IDO2: variants seen among roughly 807,000 people sequenced by gnomAD.
IDO2 encodes indoleamine 2,3-dioxygenase 2.
A neutral mutation model predicts 45.1 loss-of-function variants in IDO2; 46 were observed. That is an observed-to-expected ratio of 1.02 (90% CI 0.80 to 1.30). The LOEUF (loss-of-function observed/expected upper bound fraction) is 1.30, where lower values mean the gene tolerates loss of function less well. Among genes scored for constraint, IDO2 ranks in the 50% most tolerant of loss-of-function variants. IDO2 has a pLI of 0.00. For missense variants in IDO2, 544 were observed against 491.8 expected (o/e 1.11, Z -1.00); for synonymous variants, 218 against 184.9 (o/e 1.18, Z -1.45).
intron 5 of IDO2, among the ~76,000 whole-genome samples, chr8:39,983,727 A>G (rs527383491): frequency 2.0e-5 from 3 of 152,160 alleles, no homozygotes; most frequent in South Asian, 4.1e-4. Context: ...TTAGCCGGGC[A>G]TGGTGGCACA....
intron 6 of IDO2, chr8:39,986,909 C>G (rs995956170): frequency 7.4e-6 from 1 of 134,806 alleles, no homozygotes; most frequent in Non-Finnish European, 1.6e-5. Context: ...GAGTCTCACT[C>G]TATCTCCCAG....
chr8:39,938,392 T>C (rs1039388132), intron 1 of IDO2, among the ~76,000 whole-genome samples: 3 of 152,176 alleles, frequency 2.0e-5, no homozygotes, highest in Non-Finnish European at 4.4e-5. Flanking sequence ...TTATAAAATA[T>C]AGCATCACTT....
chr8:39,963,852 A>C (rs1475963498), intron 3 of IDO2, 149 bp downstream of exon 3: 8 of 557,274 alleles, frequency 1.4e-5, no homozygotes, highest in Non-Finnish European at 2.5e-5. Flanking sequence ...TTCCTGAAAA[A>C]CAGAATGACC....
chr8:39,997,480 G>C (rs898315277), intron 8 of IDO2, among the ~76,000 whole-genome samples: 1 of 151,238 alleles, frequency 6.6e-6, no homozygotes, highest in Non-Finnish European at 1.5e-5. Flanking sequence ...AGACCAGCCT[G>C]GGCAACATAG....
At chr8:39,963,620 G>A (rs1170470887) in exon 3 of IDO2, 1 of 1,606,330 alleles carries the variant, frequency 6.2e-7, no homozygotes, top group Non-Finnish European at 8.5e-7. Flanking sequence ...AGAACTTCCA[G>A]ATCATTATAG....
At chr8:39,944,901 C>G (rs1181505678) in intron 1 of IDO2, among the ~76,000 whole-genome samples, 1 of 152,120 alleles carries the variant, frequency 6.6e-6, no homozygotes, top group Non-Finnish European at 1.5e-5. Flanking sequence ...TTTTCCAACT[C>G]GTTCAGGTAC....
intron 2 of IDO2, among the ~76,000 whole-genome samples, chr8:39,952,305 C>T (rs189229348): frequency 7.2e-4 from 110 of 152,312 alleles, no homozygotes; most frequent in African/African-American, 2.6e-3. Context: ...GCGTCAGAGT[C>T]GGGAGGCTGT....
intron 4 of IDO2, among the ~76,000 whole-genome samples, chr8:39,980,224 C>A (rs1262883120): frequency 6.6e-6 from 1 of 152,154 alleles, no homozygotes; most frequent in Non-Finnish European, 1.5e-5. Flanking sequence ...GTAACAAGAG[C>A]CATACCGGCC....
At chr8:39,938,631 C>T (rs1319748651) in intron 1 of IDO2, among the ~76,000 whole-genome samples, 1 of 151,798 alleles carries the variant, frequency 6.6e-6, no homozygotes, top group Non-Finnish European at 1.5e-5. Context: ...TGAAAGGCAT[C>T]GTCAAGAGAA....
At chr8:39,945,378 A>G (rs1175095206) in intron 1 of IDO2, among the ~76,000 whole-genome samples, 1 of 152,244 alleles carries the variant, frequency 6.6e-6, no homozygotes. Context: ...CAGCCTTAGC[A>G]TGATCTGAGG....
intron 8 of IDO2, among the ~76,000 whole-genome samples, chr8:39,998,831 C>T (rs540307732): frequency 2.4e-4 from 36 of 151,662 alleles, no homozygotes; most frequent in Admixed American, 4.6e-4. Flanking sequence ...TTAGTAGAGA[C>T]GGGGTTTTGC....
chr8:39,967,725 T>G (rs1400656932), intron 3 of IDO2, among the ~76,000 whole-genome samples: 1 of 152,196 alleles, frequency 6.6e-6, no homozygotes, highest in African/African-American at 2.4e-5. Flanking sequence ...TGACCTCAGG[T>G]GATCCACCCG....
At chr8:39,982,627 A>G (rs767739660) in intron 4 of IDO2, 25 bp from the exon 5 acceptor site, 9 of 1,438,312 alleles carry the variant, frequency 6.3e-6, no homozygotes, top group African/African-American at 1.4e-5. Context: ...AGAATATGCT[A>G]TTTGTCTGGA....
chr8:39,946,954 G>A (rs1037286584), intron 1 of IDO2, among the ~76,000 whole-genome samples: 2 of 151,912 alleles, frequency 1.3e-5, no homozygotes, highest in Non-Finnish European at 2.9e-5. Flanking sequence ...GAGGTCAGGA[G>A]TTCCAGACCA....
At chr8:39,951,059 A>AAACAAAACAAAACAG (rs1807807792) in intron 2 of IDO2, among the ~76,000 whole-genome samples, 1 of 151,850 alleles carries the variant, frequency 6.6e-6, no homozygotes, top group Non-Finnish European at 1.5e-5. Context: ...AAACAAAACA[A>AAACAAAACAAAACAG]AACAGCTCTC....
intron 2 of IDO2, among the ~76,000 whole-genome samples, chr8:39,949,617 T>C (rs1807784908): frequency 6.6e-6 from 1 of 152,206 alleles, no homozygotes; most frequent in African/African-American, 2.4e-5. Flanking sequence ...TCCAAGTACA[T>C]GAGCTAAGGT....
intron 7 of IDO2, among the ~76,000 whole-genome samples, chr8:39,989,424 T>C (rs533569780): frequency 6.6e-6 from 1 of 152,230 alleles, no homozygotes; most frequent in East Asian, 1.9e-4. Flanking sequence ...GAACTGATCA[T>C]AACGTGACAA....
intron 9 of IDO2, among the ~76,000 whole-genome samples, chr8:40,008,433 A>G (rs925813487): frequency 2.0e-5 from 3 of 152,152 alleles, no homozygotes; most frequent in African/African-American, 7.2e-5. Flanking sequence ...CTGATTTTAA[A>G]GGTCTTATGT....
At chr8:39,986,707 TAGATA>T (rs1172011983) in intron 6 of IDO2, among the ~76,000 whole-genome samples, 1 of 148,968 alleles carries the variant, frequency 6.7e-6, no homozygotes, top group African/African-American at 2.6e-5. Flanking sequence ...GATAGATAGA[TAGATA>T]GATAGACGGA....
Sources: allele counts gnomAD v4.1 joint callset (sites outside exome capture counted in the v4.1 genomes callset), GRCh38; gene constraint gnomAD v4.1.1; transcripts MANE v1.5; gene names NCBI Gene and HGNC (gene_info 2026-07-23, HGNC 2026-07-21).